APCDD1: variants seen among roughly 807,000 people sequenced by gnomAD.
The protein encoded by APCDD1 is APC down-regulated 1, also known as protein APCDD1.
Under a neutral mutation model 38.1 loss-of-function variants are expected in APCDD1, and 15 were observed. The observed-to-expected ratio is 0.39, with a 90% CI of 0.26 to 0.61. The LOEUF (loss-of-function observed/expected upper bound fraction) is 0.61. APCDD1 is among the 20% of genes least tolerant of loss of function. The pLI is 0.49. For synonymous variants in APCDD1, 261 were observed against 279.7 expected (o/e 0.93, Z 0.67); for missense variants, 647 against 696.2 (o/e 0.93, Z 0.79).
intron 3 of APCDD1, chr18:10,477,980 A>G (rs1057405455): frequency 2.6e-5 from 4 of 152,090 alleles, no homozygotes; most frequent in Non-Finnish European, 5.9e-5. Flanking sequence ...TCTAATGTTA[A>G]CTAAAACAAA....
At chr18:10,456,073 T>G (rs1392992067) in intron 1 of APCDD1, among the ~76,000 whole-genome samples, 3 of 152,144 alleles carry the variant, frequency 2.0e-5, no homozygotes, top group Non-Finnish European at 4.4e-5. Context: ...GGACCTTCCC[T>G]CCGGAGGATC....
At chr18:10,464,362 A>T (rs1039128807) in intron 1 of APCDD1, among the ~76,000 whole-genome samples, 6 of 152,100 alleles carry the variant, frequency 3.9e-5, no homozygotes, top group Admixed American at 3.9e-4. Context: ...ACACACAAAA[A>T]CATCTTTGTT....
chr18:10,474,476 C>T (rs1469521111), intron 3 of APCDD1, among the ~76,000 whole-genome samples: 2 of 152,196 alleles, frequency 1.3e-5, no homozygotes, highest in Non-Finnish European at 2.9e-5. Flanking sequence ...GAGGCAGGTG[C>T]GGCTGGGGAA....
chr18:10,485,344 T>C lies in APCDD1; in HGVS notation c.775-118T>C, dbSNP rs1197221888. ...GCATGATTCCAGTTGGTTCTTGGTG[T>C]CGAGGTTGTCAGTGATGGTGATCTG... On this transcript the variant is annotated intron_variant, in intron 3 of 4. Coordinates refer to ENST00000355285, the MANE Select transcript of APCDD1 (RefSeq NM_153000.5). This position sits in a 1 kb window ranked among gnomAD's most constrained non-coding sequence, Gnocchi z 5.8. 2 of 1,096,078 alleles carry C rather than the reference T, an allele frequency of 1.8e-6. No individual in the cohort carries two copies. The highest frequency in any genetic ancestry group is 2.8e-6 in the Non-Finnish European group (2 of 724,496). 67.9% of individuals were successfully genotyped at this position (1,096,078 alleles called of 1,614,324 possible). A position where few individuals can be genotyped will look rare whatever the true frequency, so the allele number is the denominator to read the frequency against.
At chr18:10,459,406 C>T (rs2030471825) in intron 1 of APCDD1, among the ~76,000 whole-genome samples, 2 of 152,176 alleles carry the variant, frequency 1.3e-5, no homozygotes, top group South Asian at 4.1e-4. Context: ...GCAAACTTTG[C>T]AACCTCTGGT....
rs995833915 is a variant in APCDD1 at position 10,470,459 on chromosome 18, A to G, written c.243-1071A>G. On this transcript the variant is annotated intron_variant, in intron 2 of 4. Transcript: ENST00000355285. The surrounding 1 kb of genome is among the most constrained non-coding windows in gnomAD (Gnocchi z 4.1). The stretch of plus-strand genomic sequence containing the variant: ...CGGTACCCCTGTCTAAATAATGCTT[A>G]TCTTTCACCAGTCCATCAATGAGCA... 2.0e-5 allele frequency among the ~76,000 whole-genome samples: 3 copies of G among 152,270 alleles called. No individual in the cohort carries two copies. Among genetic ancestry groups the G allele is most frequent in the African/African-American group, 4.8e-5 (2 of 41,470 alleles).
chr18:10,468,603 A>G lies in APCDD1; in HGVS notation c.193A>G (p.Ile65Val). 6.2e-7 allele frequency: 1 copy of G among 1,614,084 alleles called. No homozygotes were observed. The highest frequency in any genetic ancestry group is 1.1e-5 in the South Asian group (1 of 91,080). Residue 65 changes from isoleucine to valine, a missense_variant, in exon 2 of 5, where the codon ATC becomes GTC. Transcript: ENST00000355285. ...MLKHLHNGAR[I>V]TVQMPPTIEG... ...CAAACATCTCCACAATGGTGCAAGG[A>G]TCACAGTGCAGATGCCACCTACAAT...
At chr18:10,481,248 T>A (rs1471259783) in intron 3 of APCDD1, among the ~76,000 whole-genome samples, 1 of 152,180 alleles carries the variant, frequency 6.6e-6, no homozygotes, top group Non-Finnish European at 1.5e-5. Context: ...ACAAACATGG[T>A]CCTAGCAGCA....
At position 10,467,891 on chromosome 18, in the gene APCDD1, G is replaced by A. The variant is rs974290635; in HGVS notation, c.59-578G>A. Reference sequence around the variant, plus strand: ...TAAGCAGATGGAGCCAAGCCAGCAAGCACATCCCAGCTGGGAATCTTCCTA... The same window carrying A: ...TAAGCAGATGGAGCCAAGCCAGCAAACACATCCCAGCTGGGAATCTTCCTA... On this transcript the variant is annotated intron_variant, in intron 1 of 4. Transcript: ENST00000355285. The surrounding 1 kb of genome is among the most constrained non-coding windows in gnomAD (Gnocchi z 4.8). 1.3e-4 allele frequency among the ~76,000 whole-genome samples: 20 copies of A among 152,196 alleles called. No individual in the cohort carries two copies. Among genetic ancestry groups the A allele is most frequent in the African/African-American group, 4.8e-4 (20 of 41,452 alleles).
rs1164548626 is a variant in APCDD1 at position 10,469,340 on chromosome 18, A to C, written c.242+688A>C. Among the ~76,000 whole-genome samples, 1 of 152,212 alleles carries C rather than the reference A, an allele frequency of 6.6e-6. No homozygotes were observed. Among genetic ancestry groups the C allele is most frequent in the Non-Finnish European group, 1.5e-5 (1 of 68,040 alleles). Reference sequence around the variant, plus strand: ...CCTTCAAGTTCCTTGGGGAGGGATCAGATGAATATGGAGAAGAGAAAAAAA... The same window carrying C: ...CCTTCAAGTTCCTTGGGGAGGGATCCGATGAATATGGAGAAGAGAAAAAAA... On this transcript the variant is annotated intron_variant, in intron 2 of 4. Transcript: ENST00000355285. The surrounding 1 kb of genome is among the most constrained non-coding windows in gnomAD (Gnocchi z 5.5).
intron 1 of APCDD1, among the ~76,000 whole-genome samples, chr18:10,456,274 T>C (rs2030379415): frequency 6.6e-6 from 1 of 152,150 alleles, no homozygotes; most frequent in African/African-American, 2.4e-5. Context: ...GATGGAAGGC[T>C]TGCAGAGGGC....
At position 10,488,029 on chromosome 18, in the gene APCDD1, C is replaced by A. The variant is rs780464433; in HGVS notation, c.1536C>A (p.Ile512=). The A allele has an allele frequency of 1.2e-6, 2 of 1,613,748 alleles. No homozygotes were observed. Among genetic ancestry groups the A allele is most frequent in the South Asian group, 2.2e-5 (2 of 91,086 alleles). Reference sequence around the variant, plus strand: ...TTGTCCCTCTGCTGCATTGGAACATCCGCAGATAGAAGTTTTAGAAAGTTC... The same window carrying A: ...TTGTCCCTCTGCTGCATTGGAACATACGCAGATAGAAGTTTTAGAAAGTTC... The part of the protein sequence containing the change: ...ACLVPLLHWN[I]RR Residue 512 remains isoleucine, a synonymous_variant, in exon 5 of 5, where the codon ATC becomes ATA. Coordinates refer to ENST00000355285, the MANE Select transcript of APCDD1 (RefSeq NM_153000.5).
At chr18:10,461,379 G>A (rs1190486745) in intron 1 of APCDD1, among the ~76,000 whole-genome samples, 1 of 152,104 alleles carries the variant, frequency 6.6e-6, no homozygotes, top group Non-Finnish European at 1.5e-5. Context: ...ATTTTATCAG[G>A]GCCCAGACCA....
rs951039811 is a variant in APCDD1, at chr18:10,489,935, A to G, written c.*1897A>G. 2 of 152,212 alleles carry G rather than the reference A, an allele frequency of 1.3e-5. No individual in the cohort carries two copies. Among genetic ancestry groups the G allele is most frequent in the African/African-American group, 4.8e-5 (2 of 41,458 alleles). The allele number at this position is 152,212 out of a possible 1,614,324, so 9.4% of individuals were successfully genotyped here. A position where few individuals can be genotyped will look rare whatever the true frequency, so the allele number is the denominator to read the frequency against. On this transcript the variant is annotated 3_prime_UTR_variant, in exon 5 of 5. Coordinates refer to ENST00000355285, the MANE Select transcript of APCDD1 (RefSeq NM_153000.5). ...TATCTTTAAAAGACGTAATAAAATC[A>G]TGTGAAAAACTGTATTCACTGCTGA...
In APCDD1 at chr18:10,488,083, T is replaced by C; in HGVS notation, c.*45T>C. ...TTTTCCAAACCAGGATTCCTTACTA[T>C]TGACAGATTTGCTTTACCAAAAGAA... is the stretch of plus-strand genomic sequence containing the variant. On this transcript the variant is annotated 3_prime_UTR_variant, in exon 5 of 5. Transcript: ENST00000355285. 1.2e-6 allele frequency: 2 copies of C among 1,605,228 alleles called. No homozygotes were observed. Among genetic ancestry groups the C allele is most frequent in the Non-Finnish European group, 1.7e-6 (2 of 1,176,774 alleles).
At position 10,475,494 on chromosome 18, in the gene APCDD1, CTT is replaced by C. The variant is rs755863044; in HGVS notation, c.774+3435_774+3436del. Among the ~76,000 whole-genome samples, 1 of 152,156 alleles carries C rather than the reference CTT, an allele frequency of 6.6e-6. No homozygotes were observed. The highest frequency in any genetic ancestry group is 2.4e-5 in the African/African-American group (1 of 41,440). On this transcript the variant is annotated intron_variant, in intron 3 of 4. Transcript: ENST00000355285. This position sits in a 1 kb window ranked among gnomAD's most constrained non-coding sequence, Gnocchi z 4.0. ...TAATGAAAGGAGAAGAAGAGGGACT[CTT>C]TGCAAAGGAATCAGATATTTATGGA...
rs564653367 is a variant in APCDD1 at position 10,485,391 on chromosome 18, G to C, written c.775-71G>C. 2.2e-5 allele frequency: 35 copies of C among 1,555,924 alleles called. No individual in the cohort carries two copies. In the South Asian group the frequency reaches 3.4e-4, roughly 15 times the overall value. On this transcript the variant is annotated intron_variant, in intron 3 of 4. Transcript: ENST00000355285. This position sits in a 1 kb window ranked among gnomAD's most constrained non-coding sequence, Gnocchi z 5.8. ...TCTGGTGCCTGGTGAGACCCCATTT[G>C]CCGGAAGCATGTGTGCACTGCTCCC... is the stretch of plus-strand genomic sequence containing the variant.
At position 10,470,411 on chromosome 18, in the gene APCDD1, A is replaced by G. The variant is rs1175183172; in HGVS notation, c.243-1119A>G. ...TGTCCATAGGATGTTACTCGACATC[A>G]GTTGTCAAACGTTACATAGCAACGG... On this transcript the variant is annotated intron_variant, in intron 2 of 4. Transcript: ENST00000355285. The surrounding 1 kb of genome is among the most constrained non-coding windows in gnomAD (Gnocchi z 4.1). 2.0e-5 allele frequency among the ~76,000 whole-genome samples: 3 copies of G among 152,212 alleles called. No individual in the cohort carries two copies. The highest frequency in any genetic ancestry group is 4.4e-5 in the Non-Finnish European group (3 of 68,046).
rs1310913449 is a variant in APCDD1 at position 10,475,393 on chromosome 18, G to A, written c.774+3332G>A. 2.0e-5 allele frequency among the ~76,000 whole-genome samples: 3 copies of A among 152,150 alleles called. No individual in the cohort carries two copies. Among genetic ancestry groups the A allele is most frequent in the African/African-American group, 4.8e-5 (2 of 41,406 alleles). On this transcript the variant is annotated intron_variant, in intron 3 of 4. Transcript: ENST00000355285. The surrounding 1 kb of genome is among the most constrained non-coding windows in gnomAD (Gnocchi z 4.0). ...AGCTTTAGGACCTTAGATACTACAC[G>A]AGACATATTGTTAAGTAGGAAAAAA...
Sources: allele counts gnomAD v4.1 joint callset (sites outside exome capture counted in the v4.1 genomes callset), GRCh38; gene constraint gnomAD v4.1.1; non-coding constraint Gnocchi (gnomAD v3.1); transcripts MANE v1.5; gene names NCBI Gene and HGNC (gene_info 2026-07-23, HGNC 2026-07-21).